Variants in ZNF407 observed in about 807,000 individuals in gnomAD.
The protein encoded by ZNF407 is zinc finger protein 407.
A neutral mutation model predicts 131.2 loss-of-function variants in ZNF407; 17 were observed. The observed-to-expected ratio is 0.13, with a 90% CI of 0.09 to 0.19. ZNF407 has a LOEUF of 0.19. ZNF407 is among the 10% of genes least tolerant of loss of function. The pLI is 1.00. For synonymous variants in ZNF407, 1,156 were observed against 1,062.0 expected, an observed-to-expected ratio of 1.09 and a Z score of -1.72; for missense variants, 2,681 against 2,830.6, an observed-to-expected ratio of 0.95 and a Z score of 1.20.
intron 8 of ZNF407, among the ~76,000 whole-genome samples, chr18:74,923,820 C>CT (rs1971877750): frequency 6.6e-6 from 1 of 152,122 alleles, no homozygotes; most frequent in Non-Finnish European, 1.5e-5. Flanking sequence ...TGCTTATAAG[C>CT]AGCTTATAGT....
intron 7 of ZNF407, 150 bp downstream of exon 7, chr18:74,890,188 A>G (rs1209123174): frequency 1.0e-6 from 1 of 990,812 alleles, no homozygotes; most frequent in African/African-American, 1.7e-5. Flanking sequence ...GTGACTTTTA[A>G]AAATAAACTT....
At chr18:75,000,264 A>G (rs1232225556) in intron 8 of ZNF407, among the ~76,000 whole-genome samples, 1 of 152,220 alleles carries the variant, frequency 6.6e-6, no homozygotes, top group Non-Finnish European at 1.5e-5. Context: ...TGAATGTATT[A>G]TCTATTCAAG....
intron 4 of ZNF407, among the ~76,000 whole-genome samples, chr18:74,835,710 T>C (rs920011284): frequency 6.6e-6 from 1 of 151,784 alleles, no homozygotes; most frequent in East Asian, 1.9e-4. Flanking sequence ...TGTAGGTATA[T>C]TTTCAGGCAA....
chr18:74,620,782 C>A (rs1324310073), intron 1 of ZNF407, among the ~76,000 whole-genome samples: 1 of 152,112 alleles, frequency 6.6e-6, no homozygotes, highest in African/African-American at 2.4e-5. Context: ...AGGCCTCCTG[C>A]CAGGTGAAGG....
chr18:74,639,054 C>A (rs2144685074), intron 2 of ZNF407, among the ~76,000 whole-genome samples: 1 of 152,234 alleles, frequency 6.6e-6, no homozygotes, highest in Non-Finnish European at 1.5e-5. Flanking sequence ...CTGGGTGAAG[C>A]AGTCAACAAA....
intron 8 of ZNF407, among the ~76,000 whole-genome samples, chr18:75,055,663 T>TAGA (rs1272720546): frequency 6.6e-6 from 1 of 152,240 alleles, no homozygotes; most frequent in Admixed American, 6.5e-5. Context: ...TTGGTAAAGT[T>TAGA]AGAAACCTGC....
chr18:74,716,126 G>T (rs1967888495), intron 3 of ZNF407, among the ~76,000 whole-genome samples: 1 of 152,198 alleles, frequency 6.6e-6, no homozygotes, highest in East Asian at 1.9e-4. Context: ...ATATTTTGCT[G>T]CTCCAAGCCC....
chr18:74,675,122 T>C (rs1986302883), intron 3 of ZNF407, among the ~76,000 whole-genome samples: 1 of 152,228 alleles, frequency 6.6e-6, no homozygotes, highest in Non-Finnish European at 1.5e-5. Context: ...TCTGTTGGCC[T>C]TATCTGTCCC....
At position 75,063,387 on chromosome 18, in the gene ZNF407, C is replaced by T. The variant is rs553117551; in HGVS notation, c.5666C>T (p.Thr1889Met). 1.2e-5 allele frequency: 19 copies of T among 1,610,940 alleles called. No homozygotes were observed. In the South Asian group the frequency reaches 1.4e-4, roughly 12 times the overall value. ...TCGGTGGAGGAGACGGCCGCCGCCA[C>T]GCTGCAGACGCTGGCCATGGCCGGC... ...DPSVEETAAA[T>M]LQTLAMAGQV... Residue 1889 changes from threonine (T) to methionine (M), a missense_variant, in exon 9 of 9, where the codon ACG (threonine) becomes ATG (methionine). Physicochemically the swap from Thr to Met is moderately conservative, Grantham distance 81. Transcript: ENST00000299687. The surrounding 1 kb of genome is among the most constrained non-coding windows in gnomAD (Gnocchi z 6.6).
intron 8 of ZNF407, among the ~76,000 whole-genome samples, chr18:74,925,173 A>G (rs973111682): frequency 1.3e-5 from 2 of 152,064 alleles, no homozygotes; most frequent in Admixed American, 1.3e-4. Context: ...TTTTATTTTC[A>G]TCAGTTTTTA....
intron 4 of ZNF407, among the ~76,000 whole-genome samples, chr18:74,818,343 A>G (rs927217790): frequency 2.6e-5 from 4 of 152,300 alleles, no homozygotes; most frequent in Admixed American, 1.3e-4. Context: ...TTGTTCTTCT[A>G]TTCTGGACAT....
intron 3 of ZNF407, among the ~76,000 whole-genome samples, chr18:74,755,728 C>CTTTCTTTCTTTCTTTCTTT (rs1968925683): frequency 3.2e-4 from 20 of 63,468 alleles, no homozygotes; most frequent in Admixed American, 4.2e-4. Flanking sequence ...TTCTTTCTTT[C>CTTTCTTTCTTTCTTTCTTT]CTTTCTTTCT....
At chr18:74,775,864 CAA>C (rs1323130432) in intron 3 of ZNF407, among the ~76,000 whole-genome samples, 1 of 151,694 alleles carries the variant, frequency 6.6e-6, no homozygotes, top group African/African-American at 2.4e-5. Flanking sequence ...GGAGCAGGAG[CAA>C]GAGAGAGAGA....
chr18:74,810,284 A>G (rs893399910), intron 4 of ZNF407, among the ~76,000 whole-genome samples: 5 of 152,022 alleles, frequency 3.3e-5, no homozygotes, highest in Admixed American at 6.6e-5. Flanking sequence ...TAAGGAAGGC[A>G]GTTTGTGTGG....
At chr18:74,645,704 G>C (rs1389213185) in intron 3 of ZNF407, among the ~76,000 whole-genome samples, 1 of 150,034 alleles carries the variant, frequency 6.7e-6, no homozygotes, top group Non-Finnish European at 1.5e-5. Flanking sequence ...GCATTAGAAG[G>C]GATCTCTATG....
intron 4 of ZNF407, among the ~76,000 whole-genome samples, chr18:74,798,243 C>T (rs896752460): frequency 7.0e-6 from 1 of 142,338 alleles, no homozygotes. Context: ...CACACAGAGT[C>T]TCTGAAGCTT....
chr18:74,911,743 A>G (rs1971675028), intron 7 of ZNF407, among the ~76,000 whole-genome samples: 1 of 152,168 alleles, frequency 6.6e-6, no homozygotes, highest in African/African-American at 2.4e-5. Flanking sequence ...CATGGCACAC[A>G]CAAAAATACG....
intron 3 of ZNF407, among the ~76,000 whole-genome samples, chr18:74,725,325 A>G (rs544476607): frequency 2.6e-5 from 4 of 152,230 alleles, no homozygotes; most frequent in Non-Finnish European, 5.9e-5. Context: ...AACAGTTTCT[A>G]GAGAGATGGG....
chr18:74,640,957 T>C (rs1984683973), intron 2 of ZNF407, 51 bp from the exon 3 acceptor site: 2 of 1,332,022 alleles, frequency 1.5e-6, no homozygotes. Context: ...TCTAAGCTAT[T>C]GGTGATGTAT....
Sources: gnomAD v4.1 joint callset for allele counts (sites outside exome capture counted in the v4.1 genomes callset) on GRCh38, gnomAD v4.1.1 for gene constraint, Gnocchi (gnomAD v3.1) non-coding constraint, MANE v1.5 for transcripts, NCBI Gene and HGNC (gene_info 2026-07-23, HGNC 2026-07-21) for gene names.